NBAS: variants seen among roughly 807,000 people sequenced by gnomAD.
NBAS encodes the protein NBAS subunit of NRZ tethering complex.
NBAS carries 219 observed loss-of-function variants against 302.5 expected under a neutral mutation model. That is an observed-to-expected ratio of 0.72 (90% CI 0.65 to 0.81). The LOEUF (loss-of-function observed/expected upper bound fraction) is 0.81, where lower values mean the gene tolerates loss of function less well. NBAS is among the 30% of genes least tolerant of loss of function. The pLI is 0.00. For synonymous variants in NBAS, 1,118 were observed against 1,021.6 expected (o/e 1.09, Z -1.80); for missense variants, 2,932 against 2,841.6 (o/e 1.03, Z -0.72).
chr2:15,346,858 A>G (rs1673115619), intron 35 of NBAS, among the ~76,000 whole-genome samples: 1 of 152,190 alleles, frequency 6.6e-6, no homozygotes, highest in Non-Finnish European at 1.5e-5. Context: ...GCAGGGACAT[A>G]GATGAAGCTA....
the NBAS span, among the ~76,000 whole-genome samples, chr2:15,025,693 G>A: frequency 3.9e-4 from 59 of 152,040 alleles, no homozygotes; most frequent in Non-Finnish European, 6.6e-4. Flanking sequence ...CTGATTATCT[G>A]TATTCCCAGG....
At chr2:14,989,384 C>G in the NBAS span, among the ~76,000 whole-genome samples, 2 of 150,920 alleles carry the variant, frequency 1.3e-5, no homozygotes, top group African/African-American at 4.9e-5. Context: ...ATGGTGAAAC[C>G]CCATCTCTAC....
At chr2:15,532,811 T>C (rs1203494068) in intron 9 of NBAS, among the ~76,000 whole-genome samples, 3 of 151,870 alleles carry the variant, frequency 2.0e-5, no homozygotes, top group Non-Finnish European at 1.5e-5. Flanking sequence ...ATACAACTCA[T>C]AAAAATTAAA....
the NBAS span, among the ~76,000 whole-genome samples, chr2:15,153,209 G>T: frequency 6.6e-6 from 1 of 152,208 alleles, no homozygotes; most frequent in East Asian, 1.9e-4. Flanking sequence ...TTAGCCACAT[G>T]GTACATGAGT....
rs530569707 is a variant in NBAS at position 15,477,716 on chromosome 2, A to T, written c.1147+510T>A. ...AAATCTCAAAAGTAACCCCTACAGG[A>T]TTTTATAATATCTCTGTTTCAATCT... On this transcript the variant is annotated intron_variant, in intron 13 of 51. Coordinates refer to ENST00000281513, the MANE Select transcript of NBAS (RefSeq NM_015909.4). Among the ~76,000 whole-genome samples the T allele has an allele frequency of 4.6e-5, 7 of 152,356 alleles. No homozygotes were observed. The South Asian group carries it at 1.4e-3, about 32-fold the overall frequency.
the NBAS span, among the ~76,000 whole-genome samples, chr2:15,107,360 C>T: frequency 3.0e-3 from 451 of 152,190 alleles, 1 homozygote; most frequent in African/African-American, 0.01. Flanking sequence ...CATGGGCTTC[C>T]AGCTTCCAGA....
chr2:14,927,587 T>C, the NBAS span, among the ~76,000 whole-genome samples: 1 of 152,224 alleles, frequency 6.6e-6, no homozygotes, highest in African/African-American at 2.4e-5. Context: ...AGAAGTAAAA[T>C]AATTGGATCA....
At chr2:14,886,702 C>T in the NBAS span, 4 of 152,246 alleles carry the variant, frequency 2.6e-5, no homozygotes, top group Non-Finnish European at 5.9e-5. Context: ...ACTCTATTAC[C>T]ATTCTTTTTC....
At chr2:15,380,753 C>G (rs2148376403) in intron 29 of NBAS, among the ~76,000 whole-genome samples, 1 of 152,218 alleles carries the variant, frequency 6.6e-6, no homozygotes, top group Non-Finnish European at 1.5e-5. Flanking sequence ...AAATGCACTT[C>G]CCTGTCACTC....
chr2:15,210,249 A>C (rs1181167325), intron 48 of NBAS, among the ~76,000 whole-genome samples: 1 of 152,188 alleles, frequency 6.6e-6, no homozygotes, highest in Non-Finnish European at 1.5e-5. Flanking sequence ...AAAAACCAGA[A>C]TATATAAGGA....
At chr2:15,374,775 T>C (rs1674653328) in intron 30 of NBAS, 55 bp from the exon 31 acceptor site, 1 of 1,379,336 alleles carries the variant, frequency 7.2e-7, no homozygotes, top group East Asian at 2.3e-5. Flanking sequence ...CACCTTTCTA[T>C]ACTCAACACC....
intron 50 of NBAS, among the ~76,000 whole-genome samples, chr2:15,185,914 TAG>T (rs1665053489): frequency 6.6e-6 from 1 of 152,154 alleles, no homozygotes; most frequent in Admixed American, 6.5e-5. Flanking sequence ...ATCTCCTACA[TAG>T]TAGGAATGCA....
In NBAS at chr2:15,554,139, C is replaced by A. The variant is rs1310364945; in HGVS notation, c.210-1G>T. ...ATCAGGGAGCAAAAAAGGTGCCGGG[C>A]TGAAATCACAACACATTAGTTAGCT... On this transcript the variant is annotated splice_acceptor_variant, in intron 3 of 51. Transcript: ENST00000281513. LOFTEE classifies it high-confidence loss of function. The A allele has an allele frequency of 1.2e-6, 2 of 1,612,516 alleles. No homozygotes were observed. Among genetic ancestry groups the A allele is most frequent in the Non-Finnish European group, 1.7e-6 (2 of 1,179,072 alleles).
At chr2:15,018,187 A>G in the NBAS span, among the ~76,000 whole-genome samples, 1 of 152,122 alleles carries the variant, frequency 6.6e-6, no homozygotes, top group Non-Finnish European at 1.5e-5. Flanking sequence ...AGAATACAAA[A>G]TTACAGCTAG....
intron 5 of NBAS, 139 bp downstream of exon 5, chr2:15,553,287 T>G: frequency 1.3e-6 from 1 of 752,926 alleles, no homozygotes; most frequent in Non-Finnish European, 2.3e-6. Context: ...CGTAAGTTGG[T>G]GTTTGACACT....
chr2:15,330,313 G>A (rs1026008244), intron 36 of NBAS, among the ~76,000 whole-genome samples: 2 of 152,128 alleles, frequency 1.3e-5, no homozygotes, highest in Admixed American at 6.6e-5. Flanking sequence ...AATAGCAAAA[G>A]CAAGTAAGCA....
intron 9 of NBAS, among the ~76,000 whole-genome samples, chr2:15,531,247 G>A (rs567288957): frequency 5.3e-5 from 8 of 152,258 alleles, no homozygotes; most frequent in African/African-American, 1.2e-4. Context: ...AACAGGTCAC[G>A]CAACCAAAGA....
chr2:14,840,870 A>C, the NBAS span, among the ~76,000 whole-genome samples: 2 of 152,088 alleles, frequency 1.3e-5, no homozygotes, highest in Non-Finnish European at 2.9e-5. Context: ...ATGGATGGAC[A>C]AACTCAGAAT....
chr2:14,963,847 G>A, the NBAS span, among the ~76,000 whole-genome samples: 1 of 152,176 alleles, frequency 6.6e-6, no homozygotes, highest in African/African-American at 2.4e-5. Flanking sequence ...CTAGTTGTGA[G>A]TAGGACAATA....
Sources: allele counts gnomAD v4.1 joint callset (sites outside exome capture counted in the v4.1 genomes callset), GRCh38; gene constraint gnomAD v4.1.1; transcripts MANE v1.5; gene names NCBI Gene and HGNC (gene_info 2026-07-23, HGNC 2026-07-21).